Variants in GSTT4 observed in about 807,000 individuals in gnomAD.
The protein encoded by GSTT4 is glutathione S-transferase theta 4.
intron 1 of GSTT4, chr22:24,004,594 C>G (rs2034310027): frequency 6.5e-6 from 1 of 153,088 alleles, no homozygotes. Context: ...GGACTGTGCA[C>G]TTCTGCCCCC....
intron 2 of GSTT4, among the ~76,000 whole-genome samples, chr22:24,003,150 GTTTGT>G (rs1307776731): frequency 6.2e-5 from 6 of 96,016 alleles, no homozygotes; most frequent in African/African-American, 1.1e-4. Context: ...CTTTTTTTTT[GTTTGT>G]TTTAAGAACT....
intron 2 of GSTT4, among the ~76,000 whole-genome samples, chr22:24,002,685 G>A (rs9680820): frequency 9.3e-4 from 141 of 152,132 alleles, no homozygotes; most frequent in African/African-American, 3.2e-3. Context: ...AAAAAAATTA[G>A]CCAGGCATGG....
intron 2 of GSTT4, among the ~76,000 whole-genome samples, chr22:24,001,912 A>C (rs1381420055): frequency 6.6e-6 from 1 of 152,264 alleles, no homozygotes; most frequent in Non-Finnish European, 1.5e-5. Flanking sequence ...AGTCACTTGA[A>C]CCTGGGAGGC....
downstream of GSTT4, among the ~76,000 whole-genome samples, chr22:23,997,487 T>C (rs1484303912): frequency 6.6e-6 from 1 of 152,120 alleles, no homozygotes; most frequent in Non-Finnish European, 1.5e-5. Flanking sequence ...CTTTCCAAAG[T>C]GCTGGGATTG....
chr22:23,990,735 T>TTGCA, the GSTT4 span, among the ~76,000 whole-genome samples: 1 of 93,578 alleles, frequency 1.1e-5, no homozygotes. Flanking sequence ...AACGAGGCAG[T>TTGCA]TTGTTTTTTC....
chr22:24,001,702 A>AC (rs587773463), intron 2 of GSTT4, among the ~76,000 whole-genome samples: 1 of 152,196 alleles, frequency 6.6e-6, no homozygotes. Flanking sequence ...AAAAACAAAA[A>AC]CGGGGGGGCA....
chr22:23,993,548 G>A (rs1289387728), downstream of GSTT4, among the ~76,000 whole-genome samples: 2 of 152,232 alleles, frequency 1.3e-5, no homozygotes, highest in Non-Finnish European at 2.9e-5. Flanking sequence ...ACCTGGGCTG[G>A]AGGCCCCTAG....
At chr22:23,993,392 T>C in the GSTT4 span, among the ~76,000 whole-genome samples, 83,629 of 143,234 alleles carry the variant, frequency 0.58, 22,618 homozygotes, top group South Asian at 0.65. Flanking sequence ...TCAGCAGCAG[T>C]AGCAGCCTTG....
rs1216407308 is a variant in GSTT4, at chr22:23,998,441, T to C, written c.*101A>G. The stretch of plus-strand genomic sequence containing the variant: ...TTCTTTATTAGGCAAAGAACAGTTG[T>C]TTTTTTGTTTTTTTGTTTTTTTTTT... On this transcript the variant is annotated 3_prime_UTR_variant, in exon 5 of 5. Coordinates refer to ENST00000621179, the MANE Select transcript of GSTT4 (RefSeq NM_001358664.2). The C allele has an allele frequency of 4.0e-5, 1 of 24,762 alleles. No homozygotes were observed. Among genetic ancestry groups the C allele is most frequent in the Non-Finnish European group, 9.0e-5 (1 of 11,152 alleles). 1.5% of individuals were successfully genotyped at this position (24,762 alleles called of 1,614,324 possible).
chr22:24,002,946 G>T (rs142740230), intron 2 of GSTT4, among the ~76,000 whole-genome samples: 2 of 152,324 alleles, frequency 1.3e-5, no homozygotes, highest in East Asian at 3.9e-4. Flanking sequence ...TGAAATCCAG[G>T]AATTATTGTT....
chr22:24,005,132 T>C (rs1172887421), intron 1 of GSTT4, 113 bp downstream of exon 1: 1 of 78,660 alleles, frequency 1.3e-5, no homozygotes, highest in East Asian at 2.8e-4. Flanking sequence ...CCGTACTCCA[T>C]GCTGGGCAAC....
At chr22:23,996,980 T>C (rs1268887196), downstream of GSTT4, among the ~76,000 whole-genome samples, 1 of 152,088 alleles carries the variant, frequency 6.6e-6, no homozygotes, top group Non-Finnish European at 1.5e-5. Context: ...TTGTGGAATT[T>C]TTAAAAATAA....
chr22:23,990,932 A>C, the GSTT4 span, among the ~76,000 whole-genome samples: 47 of 101,956 alleles, frequency 4.6e-4, 10 homozygotes, highest in East Asian at 0.011. Flanking sequence ...ACACTTTGGG[A>C]GGCCAAGGCA....
At chr22:23,998,015 G>C (rs1463615308), downstream of GSTT4, among the ~76,000 whole-genome samples, 1 of 152,180 alleles carries the variant, frequency 6.6e-6, no homozygotes, top group Non-Finnish European at 1.5e-5. Flanking sequence ...TTATTCCACT[G>C]TGTCCAGAGA....
In GSTT4 at chr22:23,998,469, T is replaced by TA. The variant is rs989582148; in HGVS notation, c.*72dup. ...TTTTGTTTTTTTGTTTTTTTTTTTT[T>TA]AACATTTCCTTTAAGGAAGGTGGCT... On this transcript the variant is annotated 3_prime_UTR_variant, in exon 5 of 5. Transcript: ENST00000621179. The TA allele has an allele frequency of 1.5e-5, 1 of 64,520 alleles. No individual in the cohort carries two copies. The highest frequency in any genetic ancestry group is 5.0e-5 in the African/African-American group (1 of 19,876). The allele number at this position is 64,520 out of a possible 1,614,324, so 4.0% of individuals were successfully genotyped here. A position where few individuals can be genotyped will look rare whatever the true frequency, so the allele number is the denominator to read the frequency against.
downstream of GSTT4, among the ~76,000 whole-genome samples, chr22:23,995,128 T>TGACTTGAACTGCTGA (rs2034103112): frequency 4.6e-5 from 7 of 150,870 alleles, no homozygotes; most frequent in Admixed American, 6.6e-5. Context: ...ACAAGTTTTT[T>TGACTTGAACTGCTGA]TTTTGTTTGT....
chr22:24,003,410 A>G (rs1479880558), intron 2 of GSTT4, among the ~76,000 whole-genome samples: 3 of 152,344 alleles, frequency 2.0e-5, no homozygotes, highest in Non-Finnish European at 2.9e-5. Flanking sequence ...GGGTTTTGCC[A>G]TGTTGTCTAG....
chr22:23,995,867 AT>A (rs767560734), downstream of GSTT4, among the ~76,000 whole-genome samples: 9 of 151,990 alleles, frequency 5.9e-5, no homozygotes, highest in Non-Finnish European at 1.2e-4. Context: ...TGTGGTTTTA[AT>A]TTTGTTTTTC....
At chr22:23,999,448 C>A (rs1003080895) in intron 4 of GSTT4, among the ~76,000 whole-genome samples, 1 of 49,032 alleles carries the variant, frequency 2.0e-5, no homozygotes. Context: ...TCCCTCCTCT[C>A]GGGCATATCT....
Sources: gnomAD v4.1 joint callset for allele counts (sites outside exome capture counted in the v4.1 genomes callset) on GRCh38, gnomAD v4.1.1 for gene constraint, MANE v1.5 for transcripts, NCBI Gene and HGNC (gene_info 2026-07-23, HGNC 2026-07-21) for gene names.